SLC9A1: variants seen among roughly 807,000 people sequenced by gnomAD.
SLC9A1 encodes the protein sodium/hydrogen exchanger 1.
SLC9A1 carries 22 observed loss-of-function variants against 67.9 expected under a neutral mutation model. The ratio of observed to expected loss-of-function variants is 0.32; its 90% CI spans 0.23 to 0.46. The LOEUF (loss-of-function observed/expected upper bound fraction) is 0.46. Ranked by LOEUF, SLC9A1 falls within the 20% of genes least tolerant of loss-of-function variation. The pLI is 1.00. For synonymous variants in SLC9A1, 421 were observed against 471.8 expected (o/e 0.89, Z 1.40); for missense variants, 686 against 1,094.8 (o/e 0.63, Z 5.27).
At position 27,101,914 on chromosome 1, in the gene SLC9A1, C is replaced by T. The variant is rs1426953537; in HGVS notation, c.1936-88G>A. The T allele has an allele frequency of 7.0e-6, 10 of 1,424,936 alleles. No individual in the cohort carries two copies. The East Asian group carries it at 2.0e-4, about 29-fold the overall frequency. 88.3% of individuals were successfully genotyped at this position (1,424,936 alleles called of 1,614,324 possible). On this transcript the variant is annotated intron_variant, in intron 9 of 11. Transcript: ENST00000263980. This position sits in a 1 kb window ranked among gnomAD's most constrained non-coding sequence, Gnocchi z 4.9. ...GGGCAGTGCTGGAGGCCGGGCCAGT[C>T]CTGGGGTGGGTGCCGAGGGGCACGG...
chr1:27,111,144 GGGGATA>G (rs1239461146), intron 2 of SLC9A1, among the ~76,000 whole-genome samples: 7 of 152,160 alleles, frequency 4.6e-5, no homozygotes, highest in Admixed American at 1.3e-4. Context: ...CAGCTGTCTG[GGGGATA>G]GGACAGGGCT....
chr1:27,152,651 A>G (rs1359234975), intron 1 of SLC9A1, among the ~76,000 whole-genome samples: 1 of 152,174 alleles, frequency 6.6e-6, no homozygotes, highest in Admixed American at 6.5e-5. Context: ...GCTAACTGCC[A>G]TCAAGGTATA....
intron 1 of SLC9A1, among the ~76,000 whole-genome samples, chr1:27,144,295 C>G (rs2083468677): frequency 6.6e-6 from 1 of 152,180 alleles, no homozygotes; most frequent in African/African-American, 2.4e-5. Flanking sequence ...TCGGCAGCTC[C>G]CCAAGGAAGC....
chr1:27,143,166 C>T (rs140081396), intron 1 of SLC9A1, among the ~76,000 whole-genome samples: 44 of 151,852 alleles, frequency 2.9e-4, no homozygotes, highest in African/African-American at 1.0e-3. Flanking sequence ...ATCATGGACT[C>T]AGAAACAATC....
At chr1:27,151,361 T>A (rs1969799) in intron 1 of SLC9A1, among the ~76,000 whole-genome samples, 59,242 of 152,008 alleles carry the variant, frequency 0.39, 11,974 homozygotes, top group African/African-American at 0.47. Context: ...TTTTATTTTT[T>A]TTTATTTATT....
rs918071556 is a variant in SLC9A1 at position 27,109,229 on chromosome 1, C to T, written c.1064+298G>A. Reference sequence around the variant, plus strand: ...GCTTCCAAGGCTCTGCTCTCCTATACCCTGGGCTTGCCTTCATGCAGGTCA... The same window carrying T: ...GCTTCCAAGGCTCTGCTCTCCTATATCCTGGGCTTGCCTTCATGCAGGTCA... On this transcript the variant is annotated intron_variant, in intron 3 of 11. Coordinates refer to ENST00000263980, the MANE Select transcript of SLC9A1 (RefSeq NM_003047.5). The surrounding 1 kb of genome is among the most constrained non-coding windows in gnomAD (Gnocchi z 5.5). Among the ~76,000 whole-genome samples, 2 of 152,196 alleles carry T rather than the reference C, an allele frequency of 1.3e-5. No individual in the cohort carries two copies. The highest frequency in any genetic ancestry group is 4.8e-5 in the African/African-American group (2 of 41,444).
chr1:27,105,740 G>A, intron 5 of SLC9A1, 145 bp downstream of exon 5: 1 of 741,040 alleles, frequency 1.3e-6, no homozygotes, highest in Non-Finnish European at 2.5e-6. Flanking sequence ...CAGAAAGGGG[G>A]AGTGGCTCGC....
intron 1 of SLC9A1, among the ~76,000 whole-genome samples, chr1:27,116,316 C>T (rs971520514): frequency 3.9e-5 from 6 of 152,010 alleles, no homozygotes; most frequent in South Asian, 2.1e-4. Flanking sequence ...GCCGAGATCA[C>T]GCCACTGAGC....
At chr1:27,124,226 C>T (rs1429409282) in intron 1 of SLC9A1, among the ~76,000 whole-genome samples, 1 of 152,082 alleles carries the variant, frequency 6.6e-6, no homozygotes, top group African/African-American at 2.4e-5. Context: ...AGAGAGCTTC[C>T]ATTTCTAGAA....
Position 27,109,897 on chromosome 1 carries a change from CG to C in SLC9A1, c.814-121del. On this transcript the variant is annotated intron_variant, in intron 2 of 11. Transcript: ENST00000263980. The surrounding 1 kb of genome is among the most constrained non-coding windows in gnomAD (Gnocchi z 5.5). ...ACCATGGCCACAAGAAGAGGCCACA[CG>C]GTAGCAGAGAAACCCTAGTGCCAAG... is the stretch of plus-strand genomic sequence containing the variant. 1 of 1,173,818 alleles carries C rather than the reference CG, an allele frequency of 8.5e-7. No homozygotes were observed. 72.7% of individuals were successfully genotyped at this position (1,173,818 alleles called of 1,614,324 possible).
chr1:27,139,794 ATT>A (rs1257145021), intron 1 of SLC9A1, among the ~76,000 whole-genome samples: 1 of 146,256 alleles, frequency 6.8e-6, no homozygotes, highest in Non-Finnish European at 1.5e-5. Context: ...AAGCACACTC[ATT>A]GTTTTTTTTT....
rs147928533 is a variant in SLC9A1 at position 27,114,039 on chromosome 1, G to A, written c.600C>T (p.Asn200=). Residue 200 remains asparagine (N), a synonymous_variant, in exon 2 of 12, where the codon AAC becomes AAT. Transcript: ENST00000263980. The surrounding 1 kb of genome is among the most constrained non-coding windows in gnomAD (Gnocchi z 5.4). ...LIFAVVGTLW[N]AFFLGGLMYA... ...ACATGAGGCCGCCCAGGAAGAAGGCGTTCCACAGCGTGCCCACCACGGCAA... is the reference window on the plus strand; with the variant it reads ...ACATGAGGCCGCCCAGGAAGAAGGCATTCCACAGCGTGCCCACCACGGCAA... The A allele has an allele frequency of 8.5e-5, 138 of 1,614,116 alleles. No homozygotes were observed. In the African/African-American group the frequency reaches 1.2e-3, roughly 14 times the overall value.
At position 27,154,479 on chromosome 1, in the gene SLC9A1, C is replaced by G; in HGVS notation, c.-145G>C. ...TTTTAGAGAGGCATTTCCATGGAAG[C>G]AATTTTCTGGGGGTGGAGGGAGGCT... On this transcript the variant is annotated 5_prime_UTR_variant, in exon 1 of 12. Transcript: ENST00000263980. 1.9e-6 allele frequency: 1 copy of G among 529,582 alleles called. No homozygotes were observed. Among genetic ancestry groups the G allele is most frequent in the Non-Finnish European group, 3.2e-6 (1 of 309,338 alleles). 32.8% of individuals were successfully genotyped at this position (529,582 alleles called of 1,614,324 possible). A position where few individuals can be genotyped will look rare whatever the true frequency, so the allele number is the denominator to read the frequency against.
At chr1:27,144,196 T>C (rs748264173) in intron 1 of SLC9A1, among the ~76,000 whole-genome samples, 3 of 152,246 alleles carry the variant, frequency 2.0e-5, no homozygotes, top group Non-Finnish European at 4.4e-5. Context: ...TTGTATGGTT[T>C]AAAGCCACTG....
At chr1:27,151,438 G>A (rs976038978) in intron 1 of SLC9A1, among the ~76,000 whole-genome samples, 1 of 152,044 alleles carries the variant, frequency 6.6e-6, no homozygotes, top group African/African-American at 2.4e-5. Flanking sequence ...TTGGCTCACT[G>A]CAACCTCCGC....
In SLC9A1 at chr1:27,102,104, G is replaced by A; in HGVS notation, c.1847C>T (p.Ser616Phe). 1 of 1,614,022 alleles carries A rather than the reference G, an allele frequency of 6.2e-7. No homozygotes were observed. The highest frequency in any genetic ancestry group is 2.2e-5 in the East Asian group (1 of 44,878). Residue 616 changes from serine to phenylalanine, a missense_variant, in exon 9 of 12, where the codon TCC (serine) becomes TTC (phenylalanine). Around this residue, in one of 7 missense-constraint regions of SLC9A1, gnomAD observed 226 missense variants for 282.4 expected, o/e 0.80. Coordinates refer to ENST00000263980, the MANE Select transcript of SLC9A1 (RefSeq NM_003047.5). Reference protein sequence around the residue: ...MQNIHPKSLPSERILPALSKD... With the variant: ...MQNIHPKSLPFERILPALSKD... The stretch of plus-strand genomic sequence containing the variant: ...GGACAGTGCTGGCAGGATGCGCTCG[G>A]AAGGCAGGGACTTGGGGTGGATGTT...
At chr1:27,151,661 G>A (rs755664112) in intron 1 of SLC9A1, among the ~76,000 whole-genome samples, 4 of 152,218 alleles carry the variant, frequency 2.6e-5, no homozygotes, top group Non-Finnish European at 5.9e-5. Flanking sequence ...ACTGCGCCCA[G>A]CTTAGTTCCC....
chr1:27,136,028 C>G (rs2083418498), intron 1 of SLC9A1, among the ~76,000 whole-genome samples: 1 of 152,202 alleles, frequency 6.6e-6, no homozygotes, highest in Admixed American at 6.5e-5. Flanking sequence ...TCAGACAGGT[C>G]TGTTGGACTC....
chr1:27,114,013 T>C lies in SLC9A1; in HGVS notation c.626A>G (p.Tyr209Cys), dbSNP rs1358117932. The C allele has an allele frequency of 1.9e-6, 3 of 1,614,064 alleles. No homozygotes were observed. The highest frequency in any genetic ancestry group is 2.2e-5 in the East Asian group (1 of 44,884). ...CTCACCGCCCACCAGGCACACGGCG[T>C]ACATGAGGCCGCCCAGGAAGAAGGC... ...WNAFFLGGLM[Y>C]AVCLVGGEQI... The change falls in exon 2 of 12, where the codon TAC becomes TGC. Residue 209 changes from tyrosine to cysteine, a missense_variant. This residue lies in a region of SLC9A1 where 49 missense variants were observed against 73.1 expected (regional missense o/e 0.67). Transcript: ENST00000263980. The surrounding 1 kb of genome is among the most constrained non-coding windows in gnomAD (Gnocchi z 5.4).
Sources: gnomAD v4.1 joint callset for allele counts (sites outside exome capture counted in the v4.1 genomes callset) on GRCh38, gnomAD v4.1.1 for gene constraint, gnomAD v4.1.1 regional missense constraint, Gnocchi (gnomAD v3.1) non-coding constraint, MANE v1.5 for transcripts, NCBI Gene and HGNC (gene_info 2026-07-23, HGNC 2026-07-21) for gene names.